TEPSIN: variants seen among roughly 807,000 people sequenced by gnomAD.
TEPSIN encodes the protein TEPSIN adaptor related protein complex 4 accessory protein.
A neutral mutation model predicts 48.5 loss-of-function variants in TEPSIN; 50 were observed. The observed-to-expected ratio is 1.03, with a 90% CI of 0.82 to 1.31. TEPSIN has a LOEUF of 1.31. Among genes scored for constraint, TEPSIN ranks in the 50% most tolerant of loss-of-function variants. The pLI is 0.00. For missense variants in TEPSIN, 838 were observed against 815.9 expected (o/e 1.03, Z -0.33); for synonymous variants, 392 against 358.8 (o/e 1.09, Z -1.05).
At chr17:81,231,182 C>A (rs965020237) in intron 11 of TEPSIN, 1 of 597,946 alleles carries the variant, frequency 1.7e-6, no homozygotes, top group Non-Finnish European at 3.0e-6. Flanking sequence ...GTGTACACAC[C>A]GCACACATGC....
At position 81,230,803 on chromosome 17, in the gene TEPSIN, G is replaced by A; in HGVS notation, c.1099-125C>T. 1.6e-6 allele frequency: 2 copies of A among 1,273,890 alleles called. No homozygotes were observed. The highest frequency in any genetic ancestry group is 1.6e-5 in the South Asian group (1 of 63,586). The allele number at this position is 1,273,890 out of a possible 1,614,324, so 78.9% of individuals were successfully genotyped here. ...ATGACTGGAGTGCCAGGAGGCCCCA[G>A]AGACAGCTCCACCACAGCCCTGTCC... On this transcript the variant is annotated intron_variant, in intron 11 of 12. Coordinates refer to ENST00000637944, the MANE Select transcript of TEPSIN (RefSeq NM_001363764.2). The surrounding 1 kb of genome is among the most constrained non-coding windows in gnomAD (Gnocchi z 4.2).
Position 81,230,378 on chromosome 17 carries a change from G to T in TEPSIN, c.1233+166C>A. ...GGCGGGAAGGCAATGGGGAGGTGAG[G>T]ACCCTGACTTGCTGCTGCTCCCTCT... On this transcript the variant is annotated intron_variant, in intron 12 of 12. Coordinates refer to ENST00000637944, the MANE Select transcript of TEPSIN (RefSeq NM_001363764.2). This position sits in a 1 kb window ranked among gnomAD's most constrained non-coding sequence, Gnocchi z 4.2. 1.1e-6 allele frequency: 1 copy of T among 906,080 alleles called. No individual in the cohort carries two copies. Among genetic ancestry groups the T allele is most frequent in the Non-Finnish European group, 1.6e-6 (1 of 612,128 alleles). The allele number at this position is 906,080 out of a possible 1,614,324, so 56.1% of individuals were successfully genotyped here.
At chr17:81,229,904 C>CT in intron 12 of TEPSIN, 1 of 212,396 alleles carries the variant, frequency 4.7e-6, no homozygotes. Flanking sequence ...GAACCCCAGG[C>CT]TCACTCGTCG....
At chr17:81,237,831 G>A in intron 1 of TEPSIN, 1 of 419,664 alleles carries the variant, frequency 2.4e-6, no homozygotes, top group Non-Finnish European at 3.4e-6. Flanking sequence ...GCCCAGGCAA[G>A]CCCCTTTTCC....
Position 81,236,970 on chromosome 17 carries a change from A to C in TEPSIN, c.213+10T>G. On this transcript the variant is annotated intron_variant, in intron 3 of 12. Transcript: ENST00000637944. ...CCTCAGGCCTGACCCTTGACCACCC[A>C]GGGGCTCACCTTGAGCTTCCCGTGG... 6.4e-7 allele frequency: 1 copy of C among 1,569,344 alleles called. No homozygotes were observed. Among genetic ancestry groups the C allele is most frequent in the Non-Finnish European group, 8.6e-7 (1 of 1,156,480 alleles).
In TEPSIN at chr17:81,228,425, C is replaced by CG; in HGVS notation, c.*502_*503insC. 8.2e-5 allele frequency: 16 copies of CG among 195,364 alleles called. No homozygotes were observed. Among genetic ancestry groups the CG allele is most frequent in the South Asian group, 2.5e-4 (3 of 12,160 alleles). The allele number at this position is 195,364 out of a possible 1,614,324, so 12.1% of individuals were successfully genotyped here. On this transcript the variant is annotated 3_prime_UTR_variant, in exon 13 of 13. Coordinates refer to ENST00000637944, the MANE Select transcript of TEPSIN (RefSeq NM_001363764.2). ...GAGCAGGTGAGAGCCAGGGAAGGAT[C>CG]ACGTAGGGATCTGAGACTTGAAATG...
At chr17:81,236,528 G>T in intron 4 of TEPSIN, 180 bp downstream of exon 4, 1 of 682,602 alleles carries the variant, frequency 1.5e-6, no homozygotes, top group East Asian at 2.7e-5. Flanking sequence ...CTGGGGTGAG[G>T]GTGGGCAGCA....
intron 7 of TEPSIN, chr17:81,232,750 A>G (rs2062643328): frequency 3.8e-6 from 2 of 527,308 alleles, no homozygotes; most frequent in Non-Finnish European, 3.3e-6. Context: ...CTGCAGAGTT[A>G]TGCCTCCGTC....
At chr17:81,231,734 G>GCC (rs779217440) in intron 9 of TEPSIN, 43 bp from the exon 10 acceptor site, 6 of 1,607,624 alleles carry the variant, frequency 3.7e-6, no homozygotes, top group African/African-American at 1.3e-5. Flanking sequence ...TGGAGGCCAT[G>GCC]CCCCCACTCC....
intron 11 of TEPSIN, 69 bp downstream of exon 11, chr17:81,231,329 G>A (rs565038446): frequency 1.9e-4 from 264 of 1,404,552 alleles, no homozygotes; most frequent in Middle Eastern, 5.1e-4. Flanking sequence ...GCACACACAC[G>A]CACACGCACA....
Position 81,233,862 on chromosome 17 carries a change from G to A in TEPSIN, c.375+119C>T, listed in dbSNP as rs995460773. 1.6e-5 allele frequency: 22 copies of A among 1,368,620 alleles called. No individual in the cohort carries two copies. Among genetic ancestry groups the A allele is most frequent in the African/African-American group, 1.5e-5 (1 of 68,266 alleles). The allele number at this position is 1,368,620 out of a possible 1,614,324, so 84.8% of individuals were successfully genotyped here. ...CAGGCTCTGTGTCCACCAGCAAGGAGCAGAGGCAGGGGTCCCGGATGGGAG... is the reference window on the plus strand; with the variant it reads ...CAGGCTCTGTGTCCACCAGCAAGGAACAGAGGCAGGGGTCCCGGATGGGAG... On this transcript the variant is annotated intron_variant, in intron 5 of 12. Transcript: ENST00000637944. The surrounding 1 kb of genome is among the most constrained non-coding windows in gnomAD (Gnocchi z 5.8).
Position 81,232,370 on chromosome 17 carries a change from G to C in TEPSIN, c.675C>G (p.Ser225Arg). The change falls in exon 8 of 13, where the codon AGC becomes AGG. Residue 225 changes from serine to arginine, a missense_variant. By Grantham distance (110) the Ser-to-Arg change is moderately radical (BLOSUM62 -1). Coordinates refer to ENST00000637944, the MANE Select transcript of TEPSIN (RefSeq NM_001363764.2). ...GGTTCCCCAGGGTTGGGGGACCGTG[G>C]CTGGCTGAAGGCATCATGGCAGGCT... ...TYQPAMMPSA[S>R]HGPPTLGNLL... is the part of the protein sequence containing the mutation. 1 of 1,535,642 alleles carries C rather than the reference G, an allele frequency of 6.5e-7. No homozygotes were observed. The highest frequency in any genetic ancestry group is 1.2e-5 in the South Asian group (1 of 84,048).
chr17:81,234,081 G>A lies in TEPSIN; in HGVS notation c.308-33C>T. ...ACAGAAAAGGCAAGTCGGGGGCAGG[G>A]CTGAGCCTGGCACCGCTGCTCCCTG... is the stretch of plus-strand genomic sequence containing the variant. On this transcript the variant is annotated intron_variant, in intron 4 of 12. Coordinates refer to ENST00000637944, the MANE Select transcript of TEPSIN (RefSeq NM_001363764.2). The surrounding 1 kb of genome is among the most constrained non-coding windows in gnomAD (Gnocchi z 5.4). 1.3e-6 allele frequency: 2 copies of A among 1,548,092 alleles called. No individual in the cohort carries two copies. Among genetic ancestry groups the A allele is most frequent in the South Asian group, 1.2e-5 (1 of 81,322 alleles).
At position 81,233,764 on chromosome 17, in the gene TEPSIN, TG is replaced by T. The variant is rs776386018; in HGVS notation, c.376-49del. 6.6e-7 allele frequency: 1 copy of T among 1,525,688 alleles called. No individual in the cohort carries two copies. Among genetic ancestry groups the T allele is most frequent in the East Asian group, 2.3e-5 (1 of 42,844 alleles). The allele number at this position is 1,525,688 out of a possible 1,614,324, so 94.5% of individuals were successfully genotyped here. The stretch of plus-strand genomic sequence containing the variant: ...TCAGTGTCCTCACACCAGGGCCTGC[TG>T]TACTCACCCTGCCACCCATATCAGC... On this transcript the variant is annotated intron_variant, in intron 5 of 12. Coordinates refer to ENST00000637944, the MANE Select transcript of TEPSIN (RefSeq NM_001363764.2). This position sits in a 1 kb window ranked among gnomAD's most constrained non-coding sequence, Gnocchi z 5.8.
intron 1 of TEPSIN, chr17:81,238,666 C>G: frequency 8.4e-7 from 1 of 1,183,544 alleles, no homozygotes; most frequent in Non-Finnish European, 1.0e-6. Context: ...CACAGCGGCT[C>G]CACGTCCACC....
Position 81,230,432 on chromosome 17 carries a change from T to G in TEPSIN, c.1233+112A>C. On this transcript the variant is annotated intron_variant, in intron 12 of 12. Transcript: ENST00000637944. This position sits in a 1 kb window ranked among gnomAD's most constrained non-coding sequence, Gnocchi z 4.2. The stretch of plus-strand genomic sequence containing the variant: ...AGCGGGACAGGGACTTGAGAGGGGG[T>G]CCGGGAAGGGCTGACCAGGCGCCGG... 2 of 1,443,612 alleles carry G rather than the reference T, an allele frequency of 1.4e-6. No homozygotes were observed. Among genetic ancestry groups the G allele is most frequent in the Non-Finnish European group, 9.3e-7 (1 of 1,075,058 alleles). The allele number at this position is 1,443,612 out of a possible 1,614,324, so 89.4% of individuals were successfully genotyped here.
chr17:81,231,001 C>T (rs866047967), intron 11 of TEPSIN: 11 of 503,722 alleles, frequency 2.2e-5, no homozygotes, highest in African/African-American at 1.2e-4. Context: ...ACGTGACCTG[C>T]TGCCCCGATT....
At chr17:81,238,940 G>T in intron 1 of TEPSIN, 46 bp downstream of exon 1, 2 of 1,410,766 alleles carry the variant, frequency 1.4e-6, no homozygotes, top group Non-Finnish European at 9.2e-7. Context: ...TGCGGCGCTC[G>T]AGAGGAGCCG....
chr17:81,234,647 C>T lies in TEPSIN; in HGVS notation c.308-599G>A, dbSNP rs1457684142. The stretch of plus-strand genomic sequence containing the variant: ...CCTCTGTCACAGGCGAATCCACTCA[C>T]GCCCCTCGGCCGTCTACCTCCACCC... On this transcript the variant is annotated intron_variant, in intron 4 of 12. Transcript: ENST00000637944. This position sits in a 1 kb window ranked among gnomAD's most constrained non-coding sequence, Gnocchi z 5.4. Among the ~76,000 whole-genome samples, 3 of 152,114 alleles carry T rather than the reference C, an allele frequency of 2.0e-5. No homozygotes were observed. Among genetic ancestry groups the T allele is most frequent in the African/African-American group, 4.8e-5 (2 of 41,420 alleles).
Sources: allele counts gnomAD v4.1 joint callset (sites outside exome capture counted in the v4.1 genomes callset), GRCh38; gene constraint gnomAD v4.1.1; non-coding constraint Gnocchi (gnomAD v3.1); transcripts MANE v1.5; gene names NCBI Gene and HGNC (gene_info 2026-07-23, HGNC 2026-07-21).